CDK14: variants seen among roughly 807,000 people sequenced by gnomAD.
CDK14 encodes cyclin dependent kinase 14.
CDK14 carries 34 observed loss-of-function variants against 60.7 expected under a neutral mutation model. The observed-to-expected ratio is 0.56, with a 90% CI of 0.43 to 0.75. The LOEUF is 0.75. Among genes scored for constraint, CDK14 ranks in the 30% least tolerant of loss-of-function variants. CDK14 has a pLI of 0.00. For missense variants in CDK14, 482 were observed against 564.1 expected (o/e 0.85, Z 1.47); for synonymous variants, 197 against 203.7 (o/e 0.97, Z 0.28).
intron 14 of CDK14, among the ~76,000 whole-genome samples, chr7:91,118,930 T>G (rs1474034912): frequency 6.6e-6 from 1 of 152,158 alleles, no homozygotes; most frequent in Non-Finnish European, 1.5e-5. Flanking sequence ...ACATCACGTG[T>G]GCTACGTAGT....
intron 11 of CDK14, among the ~76,000 whole-genome samples, chr7:91,063,848 ATAT>A (rs1797885595): frequency 6.6e-6 from 1 of 152,188 alleles, no homozygotes; most frequent in African/African-American, 2.4e-5. Context: ...TTTTTCAAGT[ATAT>A]TATTATTAAT....
intron 5 of CDK14, among the ~76,000 whole-genome samples, chr7:90,797,131 G>C (rs1159963168): frequency 1.3e-5 from 2 of 151,724 alleles, no homozygotes; most frequent in Admixed American, 6.6e-5. Flanking sequence ...GTTTGCTAGG[G>C]CTGCTGAAAA....
intron 14 of CDK14, among the ~76,000 whole-genome samples, chr7:91,169,603 T>TAA (rs1801450861): frequency 6.6e-6 from 1 of 152,210 alleles, no homozygotes; most frequent in South Asian, 2.1e-4. Context: ...TGTTCACACT[T>TAA]ATTTGAGTTA....
In CDK14 at chr7:90,776,938, G is replaced by A. The variant is rs1192615115; in HGVS notation, c.465-13635G>A. On this transcript the variant is annotated intron_variant, in intron 4 of 14. Transcript: ENST00000380050. Reference sequence around the variant, plus strand: ...GACATTCCCCTTGCACGCTCTTCTTGTTCCCCCTTCTCTAATGAAAATACT... The same window carrying A: ...GACATTCCCCTTGCACGCTCTTCTTATTCCCCCTTCTCTAATGAAAATACT... 2.6e-5 allele frequency among the ~76,000 whole-genome samples: 4 copies of A among 151,466 alleles called. No homozygotes were observed. The East Asian group carries it at 7.7e-4, about 29-fold the overall frequency.
intron 3 of CDK14, among the ~76,000 whole-genome samples, chr7:90,744,314 C>T (rs1056649182): frequency 6.6e-6 from 1 of 152,128 alleles, no homozygotes. Flanking sequence ...TTTCAGAGAG[C>T]ACAGGGTTGG....
chr7:90,672,721 A>G (rs1251156814), intron 2 of CDK14, among the ~76,000 whole-genome samples: 1 of 151,634 alleles, frequency 6.6e-6, no homozygotes, highest in East Asian at 1.9e-4. Flanking sequence ...ATGGGGTCTC[A>G]CTATGTTCAC....
chr7:90,802,806 G>A (rs1788691112), intron 5 of CDK14, among the ~76,000 whole-genome samples: 3 of 152,284 alleles, frequency 2.0e-5, no homozygotes, highest in African/African-American at 7.2e-5. Context: ...ACTTTCAGAA[G>A]AACATTTGGA....
At chr7:90,838,278 TC>T (rs1449570983) in intron 5 of CDK14, among the ~76,000 whole-genome samples, 1 of 152,220 alleles carries the variant, frequency 6.6e-6, no homozygotes, top group African/African-American at 2.4e-5. Context: ...CCTATGCCTG[TC>T]TTTAATCTCT....
In CDK14 at chr7:90,957,824, A is replaced by C. The variant is rs370669754; in HGVS notation, c.947+2007A>C. ...TGCCATCCCCATCAAGCTACCAATG[A>C]CTTTCTTCACAGAATTGGAAAAAAC... On this transcript the variant is annotated intron_variant, in intron 9 of 14. Coordinates refer to ENST00000380050, the MANE Select transcript of CDK14 (RefSeq NM_001287135.2). Among the ~76,000 whole-genome samples, 9 of 152,104 alleles carry C rather than the reference A, an allele frequency of 5.9e-5. No homozygotes were observed. The South Asian group carries it at 1.5e-3, about 25-fold the overall frequency.
intron 2 of CDK14, among the ~76,000 whole-genome samples, chr7:90,699,375 G>A (rs1274991451): frequency 1.3e-5 from 2 of 152,192 alleles, no homozygotes; most frequent in African/African-American, 4.8e-5. Context: ...AATAACGCTT[G>A]CTTTACTGAA....
chr7:90,650,998 T>G (rs1800625390), intron 2 of CDK14, among the ~76,000 whole-genome samples: 1 of 152,206 alleles, frequency 6.6e-6, no homozygotes, highest in Non-Finnish European at 1.5e-5. Context: ...GTGAAGAAAG[T>G]CTTTGGTAGC....
chr7:90,691,294 G>A (rs1376014552), intron 2 of CDK14, among the ~76,000 whole-genome samples: 1 of 125,940 alleles, frequency 7.9e-6, no homozygotes, highest in Non-Finnish European at 1.7e-5. Flanking sequence ...TATGAGGGTG[G>A]TAAGTACTGT....
intron 2 of CDK14, among the ~76,000 whole-genome samples, chr7:90,723,247 A>T (rs1802518296): frequency 6.6e-6 from 1 of 152,196 alleles, no homozygotes; most frequent in Admixed American, 6.5e-5. Context: ...CTTCATAACA[A>T]ATTATCCCAT....
chr7:91,188,788 A>G (rs1371297227), intron 14 of CDK14, among the ~76,000 whole-genome samples: 1 of 152,230 alleles, frequency 6.6e-6, no homozygotes, highest in East Asian at 1.9e-4. Context: ...GTAGAGCAAC[A>G]GTGTATCACT....
intron 2 of CDK14, among the ~76,000 whole-genome samples, chr7:90,725,594 A>G (rs1354305478): frequency 6.6e-6 from 1 of 152,102 alleles, no homozygotes; most frequent in Non-Finnish European, 1.5e-5. Context: ...GCATATAGGG[A>G]TGTGGGAACT....
At chr7:90,920,690 T>A (rs769240778) in intron 8 of CDK14, among the ~76,000 whole-genome samples, 13 of 152,234 alleles carry the variant, frequency 8.5e-5, no homozygotes, top group Non-Finnish European at 1.9e-4. Flanking sequence ...ATCGTTTTTG[T>A]ATGCTGTTTT....
intron 7 of CDK14, among the ~76,000 whole-genome samples, chr7:90,908,762 G>C (rs1203645146): frequency 1.2e-4 from 18 of 152,152 alleles, no homozygotes; most frequent in Non-Finnish European, 2.1e-4. Context: ...TGTTACTTCA[G>C]ACCCCTCTGA....
chr7:91,007,664 CTCAGATTCATT>C (rs1448827185), intron 10 of CDK14, among the ~76,000 whole-genome samples: 1 of 152,082 alleles, frequency 6.6e-6, no homozygotes, highest in African/African-American at 2.4e-5. Flanking sequence ...GAATAGAACC[CTCAGATTCATT>C]TCAGCTGTAT....
chr7:91,183,942 C>T (rs147917055), intron 14 of CDK14, among the ~76,000 whole-genome samples: 2,235 of 152,244 alleles, frequency 0.015, 35 homozygotes, highest in African/African-American at 0.047. Context: ...CACCAGTAAT[C>T]ACAGCACTTT....
Sources: gnomAD v4.1 joint callset for allele counts (sites outside exome capture counted in the v4.1 genomes callset) on GRCh38, gnomAD v4.1.1 for gene constraint, MANE v1.5 for transcripts, NCBI Gene and HGNC (gene_info 2026-07-23, HGNC 2026-07-21) for gene names.